The following EPHB6 variants were observed in gnomAD, a reference collection of about 807,000 sequenced individuals.
EPHB6 encodes ephrin type-B receptor 6.
EPHB6 carries 51 observed loss-of-function variants against 107.0 expected under a neutral mutation model. The ratio of observed to expected loss-of-function variants is 0.48; its 90% confidence interval spans 0.38 to 0.60. The LOEUF (loss-of-function observed/expected upper bound fraction) is 0.60. EPHB6 is among the 20% of genes least tolerant of loss of function. EPHB6 has a pLI of 0.00. For missense variants in EPHB6, 1,141 were observed against 1,355.5 expected (o/e 0.84, Z 2.48); for synonymous variants, 553 against 549.0 (o/e 1.01, Z -0.10).
intron 1 of EPHB6, among the ~76,000 whole-genome samples, chr7:142,860,163 C>A (rs1184122413): frequency 6.6e-6 from 1 of 152,176 alleles, no homozygotes; most frequent in African/African-American, 2.4e-5. Flanking sequence ...GTTCCTTCTT[C>A]ATGATTATTT....
intron 1 of EPHB6, among the ~76,000 whole-genome samples, chr7:142,857,436 G>A (rs897717067): frequency 6.6e-6 from 1 of 152,340 alleles, no homozygotes; most frequent in East Asian, 1.9e-4. Flanking sequence ...GAGATTAAAG[G>A]ATAGAGGCTT....
At chr7:142,856,921 C>T (rs142214053) in intron 1 of EPHB6, among the ~76,000 whole-genome samples, 7 of 152,352 alleles carry the variant, frequency 4.6e-5, no homozygotes, top group African/African-American at 1.7e-4. Flanking sequence ...CTTACACACT[C>T]CACCAGGTAG....
At position 142,861,348 on chromosome 7, in the gene EPHB6, T is replaced by C. The variant is rs1369721452; in HGVS notation, c.-297+162T>C. On this transcript the variant is annotated intron_variant, in intron 2 of 19. Coordinates refer to ENST00000652003, the MANE Select transcript of EPHB6 (RefSeq NM_004445.6). The stretch of plus-strand genomic sequence containing the variant: ...ACTTTACTAAACAGTTATTATCCTA[T>C]AGTTTTAAAGAAAATTTTAATCAAT... 7.5e-5 allele frequency among the ~76,000 whole-genome samples: 9 copies of C among 119,242 alleles called. No homozygotes were observed. The East Asian group carries it at 1.7e-3, about 23-fold the overall frequency. 78.2% of individuals were successfully genotyped at this position (119,242 alleles called of 152,430 possible).
chr7:142,869,836 G>A lies in EPHB6; in HGVS notation c.2480G>A (p.Arg827His), dbSNP rs202035645. ...CCTCAGGGCCCAAGTTGTTTGCTTC[G>A]CTGGGCAGCCCCAGAGGTCATTGCA... ...HSPQGPSCLLRWAAPEVIAHG... is the reference protein window; with the variant it reads ...HSPQGPSCLLHWAAPEVIAHG... The change falls in exon 17 of 20, where the codon CGC becomes CAC. Residue 827 changes from arginine to histidine, a missense_variant. Around this residue, in one of 3 missense-constraint regions of EPHB6, gnomAD observed 616 missense variants for 759.3 expected, o/e 0.81. Coordinates refer to ENST00000652003, the MANE Select transcript of EPHB6 (RefSeq NM_004445.6). The surrounding 1 kb of genome is among the most constrained non-coding windows in gnomAD (Gnocchi z 4.5). 66 of 1,614,140 alleles carry A rather than the reference G, an allele frequency of 4.1e-5. No homozygotes were observed. The highest frequency in any genetic ancestry group is 1.1e-4 in the South Asian group (10 of 91,078).
intron 8 of EPHB6, 151 bp from the exon 9 acceptor site, chr7:142,865,809 C>A: frequency 9.1e-7 from 1 of 1,103,104 alleles, no homozygotes; most frequent in Non-Finnish European, 1.3e-6. Context: ...CTTCCCTGGG[C>A]CCACATCCTG....
Position 142,870,959 on chromosome 7 carries a change from G to A in EPHB6, c.*55G>A. 1.3e-6 allele frequency: 2 copies of A among 1,542,968 alleles called. No individual in the cohort carries two copies. Among genetic ancestry groups the A allele is most frequent in the South Asian group, 1.1e-5 (1 of 87,374 alleles). On this transcript the variant is annotated 3_prime_UTR_variant, in exon 20 of 20. Transcript: ENST00000652003. ...ACACTGGTCCGAGAAGGGACATGTG[G>A]GACGTGAGCCGGGCTCCAACAGCCT...
Position 142,869,097 on chromosome 7 carries a change from G to A in EPHB6, c.2410G>A (p.Val804Met). Residue 804 changes from valine (V) to methionine (M), a missense_variant, in exon 16 of 20, where the codon GTG becomes ATG. Val to Met is a conservative substitution (Grantham distance 21). Around this residue, in one of 3 missense-constraint regions of EPHB6, gnomAD observed 616 missense variants for 759.3 expected, o/e 0.81. Transcript: ENST00000652003. This position sits in a 1 kb window ranked among gnomAD's most constrained non-coding sequence, Gnocchi z 4.5. Reference sequence around the variant, plus strand: ...CTCGCTGTCTGCCCACAGCGTGCTGGTGAATAGCCACTTGGTGTGCAAGGT... The same window carrying A: ...CTCGCTGTCTGCCCACAGCGTGCTGATGAATAGCCACTTGGTGTGCAAGGT... ...HRSLSAHSVL[V>M]NSHLVCKVAR... is the part of the protein sequence containing the mutation. 6.2e-7 allele frequency: 1 copy of A among 1,613,802 alleles called. No individual in the cohort carries two copies. The highest frequency in any genetic ancestry group is 8.5e-7 in the Non-Finnish European group (1 of 1,179,992).
chr7:142,869,668 G>A lies in EPHB6; in HGVS notation c.2461-149G>A. On this transcript the variant is annotated intron_variant, in intron 16 of 19. Transcript: ENST00000652003. This position sits in a 1 kb window ranked among gnomAD's most constrained non-coding sequence, Gnocchi z 4.5. ...ATTGCTTCTGCTTCTGTGAAATGGA[G>A]ATGATATCATCCACCTTAGAGGGTT... The A allele has an allele frequency of 1.1e-6, 1 of 895,456 alleles. No homozygotes were observed. Among genetic ancestry groups the A allele is most frequent in the Non-Finnish European group, 1.8e-6 (1 of 564,922 alleles). The allele number at this position is 895,456 out of a possible 1,614,324, so 55.5% of individuals were successfully genotyped here.
chr7:142,864,791 C>T (rs749323490), intron 7 of EPHB6, 42 bp downstream of exon 7: 2 of 1,610,662 alleles, frequency 1.2e-6, no homozygotes, highest in Non-Finnish European at 1.7e-6. Flanking sequence ...CACCTCCCAC[C>T]CACCCCCAGC....
At chr7:142,861,481 A>T (rs2116396640) in intron 2 of EPHB6, among the ~76,000 whole-genome samples, 1 of 152,352 alleles carries the variant, frequency 6.6e-6, no homozygotes, top group African/African-American at 2.4e-5. Flanking sequence ...ACTGGGTCTC[A>T]GTCCACTTCC....
In EPHB6 at chr7:142,870,899, G is replaced by A; in HGVS notation, c.3064G>A (p.Val1022Ile). The A allele has an allele frequency of 6.2e-7, 1 of 1,612,792 alleles. No homozygotes were observed. The highest frequency in any genetic ancestry group is 2.2e-5 in the East Asian group (1 of 44,876). Residue 1022 changes from valine (V) to isoleucine (I), a missense_variant, in exon 20 of 20, where the codon GTC (valine) becomes ATC (isoleucine). Physicochemically the swap from Val to Ile is conservative, Grantham distance 29 (BLOSUM62 3). Around this residue, in one of 3 missense-constraint regions of EPHB6, gnomAD observed 616 missense variants for 759.3 expected, o/e 0.81. Coordinates refer to ENST00000652003, the MANE Select transcript of EPHB6 (RefSeq NM_004445.6). ...CCTGAGGCAGCAGGGCTCAGTGGAG[G>A]TCTGAGAATGACGATACCCGTGACT... ...QHLRQQGSVE[V>I] is the part of the protein sequence containing the mutation.
chr7:142,866,120 G>A lies in EPHB6; in HGVS notation c.1266G>A (p.Gly422=), dbSNP rs780462523. 1 of 1,613,488 alleles carries A rather than the reference G, an allele frequency of 6.2e-7. No individual in the cohort carries two copies. Among genetic ancestry groups the A allele is most frequent in the Non-Finnish European group, 8.5e-7 (1 of 1,179,772 alleles). The change falls in exon 9 of 20, where the codon GGG becomes GGA. Residue 422 remains glycine, a synonymous_variant. Transcript: ENST00000652003. The surrounding 1 kb of genome is among the most constrained non-coding windows in gnomAD (Gnocchi z 5.2). ...GCCAGGAACCTGCCAGCGGTGGTGG[G>A]GGCACTTGTCACCGCTGCAGGGATG... is the stretch of plus-strand genomic sequence containing the variant. ...EGRQEPASGG[G]GTCHRCRDEV...
Position 142,866,442 on chromosome 7 carries a change from G to A in EPHB6, c.1463-39G>A, listed in dbSNP as rs377357873. On this transcript the variant is annotated intron_variant, in intron 9 of 19. Transcript: ENST00000652003. This position sits in a 1 kb window ranked among gnomAD's most constrained non-coding sequence, Gnocchi z 5.2. ...CCTCAAGGCTGATCCTGCTCCCAGG[G>A]ACTCCTATCCCCATAATAATTTTCC... 6.2e-7 allele frequency: 1 copy of A among 1,613,448 alleles called. No individual in the cohort carries two copies. Among genetic ancestry groups the A allele is most frequent in the Non-Finnish European group, 8.5e-7 (1 of 1,179,998 alleles).
In EPHB6 at chr7:142,865,567, G is replaced by C. The variant is rs779680824; in HGVS notation, c.1042G>C (p.Val348Leu). The C allele has an allele frequency of 9.9e-6, 16 of 1,613,634 alleles. No homozygotes were observed. Among genetic ancestry groups the C allele is most frequent in the Non-Finnish European group, 1.3e-5 (15 of 1,179,982 alleles). ...TCACGCTCCCAACCCAGCAGCCCCC[G>C]TTTGCCCCTGCCTGGAGGGCTTCTA... ...RSHAPNPAAP[V>L]CPCLEGFYRA... Residue 348 changes from valine to leucine, a missense_variant, in exon 8 of 20, where the codon GTT becomes CTT. By Grantham distance (32) the Val-to-Leu change is conservative. Coordinates refer to ENST00000652003, the MANE Select transcript of EPHB6 (RefSeq NM_004445.6).
rs756998208 is a variant in EPHB6, at chr7:142,864,476, G to A, written c.676G>A (p.Val226Ile). The A allele has an allele frequency of 1.2e-6, 2 of 1,613,258 alleles. No individual in the cohort carries two copies. The highest frequency in any genetic ancestry group is 4.5e-5 in the East Asian group (2 of 44,872). ...DTGACLALVAVRLFSYTCPAV... is the reference protein window; with the variant it reads ...DTGACLALVAIRLFSYTCPAV... ...GGGGGCCTGCCTGGCCCTGGTCGCT[G>A]TCAGGCTCTTCTCCTACACCTGCCC... is the stretch of plus-strand genomic sequence containing the variant. The change falls in exon 7 of 20, where the codon GTC becomes ATC. Residue 226 changes from valine to isoleucine, a missense_variant. Physicochemically the swap from Val to Ile is conservative, Grantham distance 29. Coordinates refer to ENST00000652003, the MANE Select transcript of EPHB6 (RefSeq NM_004445.6).
At position 142,870,422 on chromosome 7, in the gene EPHB6, G is replaced by A. The variant is rs1315623682; in HGVS notation, c.2804+15G>A. The A allele has an allele frequency of 1.9e-6, 3 of 1,613,930 alleles. No individual in the cohort carries two copies. The highest frequency in any genetic ancestry group is 1.7e-5 in the Admixed American group (1 of 60,026). On this transcript the variant is annotated intron_variant, in intron 18 of 19. Transcript: ENST00000652003. Reference sequence around the variant, plus strand: ...CCAGGGGAAAGGTCTGGAGCTTGGGGCTAGAGCCTGGGAAAGCCAGGGAGG... The same window carrying A: ...CCAGGGGAAAGGTCTGGAGCTTGGGACTAGAGCCTGGGAAAGCCAGGGAGG...
chr7:142,866,950 C>T lies in EPHB6; in HGVS notation c.1632C>T (p.Asn544=). The T allele has an allele frequency of 6.2e-7, 1 of 1,614,166 alleles. No homozygotes were observed. The highest frequency in any genetic ancestry group is 1.1e-5 in the South Asian group (1 of 91,072). ...CCTTCACCCTGACCAGCGAGACCAA[C>T]ACTGCCACCGTGACACAGCTGAGCC... ...SHSFTLTSET[N]TATVTQLSPG... The change falls in exon 11 of 20, where the codon AAC becomes AAT. Residue 544 remains asparagine (N), a synonymous_variant. Transcript: ENST00000652003. This position sits in a 1 kb window ranked among gnomAD's most constrained non-coding sequence, Gnocchi z 5.2.
At chr7:142,857,028 G>C (rs1481873142) in intron 1 of EPHB6, among the ~76,000 whole-genome samples, 1 of 152,196 alleles carries the variant, frequency 6.6e-6, no homozygotes, top group Non-Finnish European at 1.5e-5. Context: ...AGGCACATTT[G>C]CCTCCTGCCT....
chr7:142,870,814 C>T lies in EPHB6; in HGVS notation c.2979C>T (p.Gly993=), dbSNP rs373075713. Reference sequence around the variant, plus strand: ...CCACCAGAGACCTGCCTGCCCTGGGCATCACCCTGGCTGGCCACCAGAAGA... The same window carrying T: ...CCACCAGAGACCTGCCTGCCCTGGGTATCACCCTGGCTGGCCACCAGAAGA... The part of the protein sequence containing the change: ...QLSLEDLPAL[G]ITLAGHQKKL... The change falls in exon 20 of 20, where the codon GGC becomes GGT. Residue 993 remains glycine, a synonymous_variant. Coordinates refer to ENST00000652003, the MANE Select transcript of EPHB6 (RefSeq NM_004445.6). The T allele has an allele frequency of 2.0e-4, 321 of 1,614,042 alleles. 1 individual carries two copies. Among genetic ancestry groups the T allele is most frequent in the Middle Eastern group, 8.2e-4 (5 of 6,084 alleles).
Sources: gnomAD v4.1 joint callset for allele counts (sites outside exome capture counted in the v4.1 genomes callset) on GRCh38, gnomAD v4.1.1 for gene constraint, gnomAD v4.1.1 regional missense constraint, Gnocchi (gnomAD v3.1) non-coding constraint, MANE v1.5 for transcripts, NCBI Gene and HGNC (gene_info 2026-07-23, HGNC 2026-07-21) for gene names.